TCF12: variants seen among roughly 807,000 people sequenced by gnomAD.
TCF12 encodes the protein DNA-binding protein HTF4.
A neutral mutation model predicts 86.0 loss-of-function variants in TCF12; 45 were observed. The ratio of observed to expected loss-of-function variants is 0.52; its 90% CI spans 0.41 to 0.67. The LOEUF (loss-of-function observed/expected upper bound fraction) is 0.67, where lower values mean the gene tolerates loss of function less well. Ranked by LOEUF, TCF12 falls within the 30% of genes least tolerant of loss-of-function variation. The pLI is 0.00. For synonymous variants in TCF12, 330 were observed against 299.6 expected, an observed-to-expected ratio of 1.10 and a Z score of -1.05; for missense variants, 881 against 859.9, an observed-to-expected ratio of 1.02 and a Z score of -0.31.
At chr15:57,160,339 C>T (rs185855219) in intron 5 of TCF12, among the ~76,000 whole-genome samples, 1 of 152,110 alleles carries the variant, frequency 6.6e-6, no homozygotes, top group Non-Finnish European at 1.5e-5. Flanking sequence ...GGAAAAGTCC[C>T]TTATAAAACC....
chr15:57,029,737 T>A (rs1364297034), intron 3 of TCF12, among the ~76,000 whole-genome samples: 3 of 152,218 alleles, frequency 2.0e-5, no homozygotes, highest in African/African-American at 7.2e-5. Context: ...TTTCCCCTTT[T>A]CTCACCTCTT....
chr15:57,157,348 T>A (rs1173878599), intron 5 of TCF12, among the ~76,000 whole-genome samples: 1 of 151,642 alleles, frequency 6.6e-6, no homozygotes, highest in Non-Finnish European at 1.5e-5. Flanking sequence ...TGAAAATGTC[T>A]TTATTTCTAA....
intron 3 of TCF12, among the ~76,000 whole-genome samples, chr15:56,923,235 G>A (rs2059868175): frequency 6.6e-6 from 1 of 151,928 alleles, no homozygotes; most frequent in African/African-American, 2.4e-5. Flanking sequence ...TTTGAGAAAC[G>A]ATATATAATA....
At chr15:57,073,852 C>G (rs2069631902) in intron 4 of TCF12, among the ~76,000 whole-genome samples, 1 of 152,070 alleles carries the variant, frequency 6.6e-6, no homozygotes, top group South Asian at 2.1e-4. Context: ...GGGTTCATGC[C>G]ATTCTCCTGC....
intron 19 of TCF12, among the ~76,000 whole-genome samples, chr15:57,274,740 C>G: frequency 6.6e-6 from 1 of 152,214 alleles, no homozygotes; most frequent in East Asian, 1.9e-4. Flanking sequence ...GTTAAAGCCA[C>G]TGCCTCCATC....
chr15:57,141,435 T>C (rs1249339651), intron 5 of TCF12, among the ~76,000 whole-genome samples: 4 of 152,176 alleles, frequency 2.6e-5, no homozygotes, highest in Non-Finnish European at 5.9e-5. Context: ...CTGCAACCTC[T>C]GCCTCCCAGG....
At chr15:57,281,634 C>T (rs1339900235) in intron 19 of TCF12, 1 of 152,188 alleles carries the variant, frequency 6.6e-6, no homozygotes, top group East Asian at 1.9e-4. Context: ...CTCATAGGAG[C>T]ATGAACCCTA....
intron 12 of TCF12, among the ~76,000 whole-genome samples, chr15:57,239,130 A>G (rs1337813962): frequency 6.6e-6 from 1 of 152,186 alleles, no homozygotes; most frequent in East Asian, 1.9e-4. Context: ...AGGCAGTGGG[A>G]TCACCTGGGT....
At chr15:56,988,240 A>G (rs1366583825) in intron 3 of TCF12, among the ~76,000 whole-genome samples, 1 of 152,212 alleles carries the variant, frequency 6.6e-6, no homozygotes, top group East Asian at 1.9e-4. Context: ...TGATTTGGTC[A>G]TATGAACTTC....
intron 3 of TCF12, among the ~76,000 whole-genome samples, chr15:56,927,501 C>T (rs1161061710): frequency 2.0e-5 from 3 of 152,066 alleles, no homozygotes; most frequent in Non-Finnish European, 4.4e-5. Context: ...AACATTTTCT[C>T]CTGTTATTAA....
intron 3 of TCF12, among the ~76,000 whole-genome samples, chr15:56,954,786 G>C (rs1407341050): frequency 6.6e-6 from 1 of 152,154 alleles, no homozygotes; most frequent in African/African-American, 2.4e-5. Flanking sequence ...CTCAAAATAA[G>C]ATATCTGTGC....
chr15:57,215,400 A>AT (rs2058291344), intron 8 of TCF12, among the ~76,000 whole-genome samples: 1 of 152,110 alleles, frequency 6.6e-6, no homozygotes, highest in South Asian at 2.1e-4. Context: ...GCAGCCAATA[A>AT]TTTATTACTT....
chr15:56,929,325 G>T (rs2060146873), intron 3 of TCF12, among the ~76,000 whole-genome samples: 1 of 152,130 alleles, frequency 6.6e-6, no homozygotes, highest in Non-Finnish European at 1.5e-5. Context: ...AATGGTTTTG[G>T]TAGAAAGAAA....
At chr15:57,044,811 C>A (rs982058636) in intron 3 of TCF12, among the ~76,000 whole-genome samples, 1 of 151,946 alleles carries the variant, frequency 6.6e-6, no homozygotes, top group Non-Finnish European at 1.5e-5. Context: ...CATACAAATA[C>A]ATGTTTTGAG....
intron 6 of TCF12, among the ~76,000 whole-genome samples, chr15:57,169,793 C>T (rs1467329772): frequency 2.0e-5 from 3 of 152,084 alleles, no homozygotes; most frequent in African/African-American, 7.2e-5. Flanking sequence ...AATGTTTTCA[C>T]TTACGTATTT....
chr15:57,063,944 A>C, intron 4 of TCF12, 121 bp downstream of exon 4: 3 of 772,006 alleles, frequency 3.9e-6, no homozygotes, highest in Non-Finnish European at 4.2e-6. Context: ...ATGCAGTAGA[A>C]TACCTAGTAC....
intron 3 of TCF12, among the ~76,000 whole-genome samples, chr15:56,948,845 G>A (rs1476641456): frequency 1.3e-5 from 2 of 152,006 alleles, no homozygotes; most frequent in African/African-American, 2.4e-5. Context: ...AATGCTTACT[G>A]TTTTCCCTGG....
intron 3 of TCF12, among the ~76,000 whole-genome samples, chr15:57,018,494 G>A (rs1257195834): frequency 2.0e-5 from 3 of 151,596 alleles, no homozygotes; most frequent in Non-Finnish European, 4.4e-5. Flanking sequence ...ATGGGGCCTA[G>A]CTCTATCGCC....
In TCF12 at chr15:57,187,041, C is replaced by T. The variant is rs2414495; in HGVS notation, c.391-5117C>T. Among the ~76,000 whole-genome samples, 631 of 152,062 alleles carry T rather than the reference C, an allele frequency of 4.1e-3. 4 individuals carry two copies. Among genetic ancestry groups the T allele is most frequent in the Middle Eastern group, 6.8e-3 (2 of 294 alleles). Reference sequence around the variant, plus strand: ...ACTAAAAATACAAAAATTAGCCAGGCGTGGTGGCACACATCTGTAATCCCA... The same window carrying T: ...ACTAAAAATACAAAAATTAGCCAGGTGTGGTGGCACACATCTGTAATCCCA... On this transcript the variant is annotated intron_variant, in intron 6 of 20. Coordinates refer to ENST00000333725, the MANE Select transcript of TCF12 (RefSeq NM_207037.2).
Sources: allele counts gnomAD v4.1 joint callset (sites outside exome capture counted in the v4.1 genomes callset), GRCh38; gene constraint gnomAD v4.1.1; transcripts MANE v1.5; gene names NCBI Gene and HGNC (gene_info 2026-07-23, HGNC 2026-07-21).